The following RERG variants were observed in gnomAD, a reference collection of about 807,000 sequenced individuals.
RERG encodes the protein RAS like estrogen regulated growth inhibitor.
In RERG, 25 loss-of-function variants were observed where a neutral mutation model predicts 23.2. The observed-to-expected ratio is 1.08, with a 90% CI of 0.79 to 1.50. The LOEUF (loss-of-function observed/expected upper bound fraction) is 1.50, where lower values mean the gene tolerates loss of function less well. Among genes scored for constraint, RERG ranks in the 40% most tolerant of loss-of-function variants. The pLI is 0.00. For synonymous variants in RERG, 81 were observed against 89.1 expected (o/e 0.91, Z 0.51); for missense variants, 253 against 250.1 (o/e 1.01, Z -0.08).
At chr12:15,118,045 A>ATT (rs146662623) in intron 3 of RERG, among the ~76,000 whole-genome samples, 2 of 151,916 alleles carry the variant, frequency 1.3e-5, no homozygotes, top group Non-Finnish European at 2.9e-5. Context: ...TAAGGAACTG[A>ATT]TTTTTTTTAC....
chr12:15,154,927 AT>A (rs1287799045), intron 2 of RERG, among the ~76,000 whole-genome samples: 19 of 152,294 alleles, frequency 1.2e-4, no homozygotes, highest in Admixed American at 3.3e-4. Context: ...ATATATTTTC[AT>A]TTTTTAAAAT....
intron 2 of RERG, among the ~76,000 whole-genome samples, chr12:15,167,519 G>GGTGCTT (rs1864713112): frequency 6.6e-6 from 1 of 152,146 alleles, no homozygotes; most frequent in Admixed American, 6.5e-5. Context: ...TGCTGGTGCT[G>GGTGCTT]CTGCTCTTAG....
At position 15,144,746 on chromosome 12, in the gene RERG, A is replaced by G. The variant is rs1199462031; in HGVS notation, c.62-23627T>C. 2.0e-5 allele frequency among the ~76,000 whole-genome samples: 3 copies of G among 152,226 alleles called. No homozygotes were observed. In the East Asian group the frequency reaches 5.8e-4, roughly 29 times the overall value. ...ATTATCAAATGGTTCTGAATCACAT[A>G]CAATTCATGGAGACAGGCCCATTAT... is the stretch of plus-strand genomic sequence containing the variant. On this transcript the variant is annotated intron_variant, in intron 2 of 4. Coordinates refer to ENST00000256953, the MANE Select transcript of RERG (RefSeq NM_032918.3).
At chr12:15,163,380 G>A (rs1864641715) in intron 2 of RERG, among the ~76,000 whole-genome samples, 1 of 152,146 alleles carries the variant, frequency 6.6e-6, no homozygotes, top group Non-Finnish European at 1.5e-5. Flanking sequence ...AGATTTGAAA[G>A]CAAAGGAACA....
At chr12:15,185,557 A>AT (rs1188413329) in intron 2 of RERG, among the ~76,000 whole-genome samples, 2 of 152,112 alleles carry the variant, frequency 1.3e-5, no homozygotes, top group Admixed American at 6.6e-5. Context: ...TAATTGCGTC[A>AT]TTTTTTAGCA....
intron 2 of RERG, among the ~76,000 whole-genome samples, chr12:15,157,780 T>C (rs1864544595): frequency 6.6e-6 from 1 of 152,138 alleles, no homozygotes; most frequent in African/African-American, 2.4e-5. Context: ...TTTTCAACAT[T>C]TTTTTGTCAC....
intron 2 of RERG, among the ~76,000 whole-genome samples, chr12:15,157,576 T>C (rs1469807924): frequency 1.3e-5 from 2 of 152,170 alleles, no homozygotes; most frequent in African/African-American, 4.8e-5. Flanking sequence ...TTTTCACTCT[T>C]TTTGGTTCCC....
chr12:15,132,212 C>T (rs1329244367), intron 2 of RERG, among the ~76,000 whole-genome samples: 1 of 152,068 alleles, frequency 6.6e-6, no homozygotes, highest in Non-Finnish European at 1.5e-5. Flanking sequence ...TCCAGTACTA[C>T]AAAGGGAAAG....
chr12:15,166,981 T>A (rs1024621378), intron 2 of RERG, among the ~76,000 whole-genome samples: 1 of 152,194 alleles, frequency 6.6e-6, no homozygotes, highest in Non-Finnish European at 1.5e-5. Flanking sequence ...TATATGTTCA[T>A]GTGCTTTCTC....
intron 2 of RERG, among the ~76,000 whole-genome samples, chr12:15,126,716 T>C (rs12809940): frequency 0.25 from 30,596 of 121,774 alleles, 3,335 homozygotes; most frequent in Admixed American, 0.33. Flanking sequence ...TTCTTTTTCT[T>C]TTTCTTTCTT....
chr12:15,132,434 C>T (rs1864065369), intron 2 of RERG, among the ~76,000 whole-genome samples: 1 of 152,042 alleles, frequency 6.6e-6, no homozygotes. Context: ...GTTTGCTTAC[C>T]CAGTAACTAA....
At chr12:15,214,498 C>T (rs572666447) in intron 2 of RERG, among the ~76,000 whole-genome samples, 3 of 152,058 alleles carry the variant, frequency 2.0e-5, no homozygotes, top group Admixed American at 6.6e-5. Flanking sequence ...GAGGAGCTAC[C>T]GAATTACATT....
At chr12:15,220,433 C>T (rs1026965279) in intron 1 of RERG, among the ~76,000 whole-genome samples, 1 of 152,138 alleles carries the variant, frequency 6.6e-6, no homozygotes, top group Non-Finnish European at 1.5e-5. Flanking sequence ...TGATTTATTC[C>T]ACACTTTCAC....
chr12:15,153,054 G>A lies in RERG; in HGVS notation c.62-31935C>T, dbSNP rs1864468518. Among the ~76,000 whole-genome samples, 3 of 152,216 alleles carry A rather than the reference G, an allele frequency of 2.0e-5. No individual in the cohort carries two copies. In the South Asian group the frequency reaches 6.2e-4, roughly 32 times the overall value. ...ATGGTCTAAGAATGAGGTAGTTCGG[G>A]TGAGTCACATATTTACACTTAGCAG... On this transcript the variant is annotated intron_variant, in intron 2 of 4. Transcript: ENST00000256953.
intron 2 of RERG, among the ~76,000 whole-genome samples, chr12:15,198,594 T>G (rs1865176326): frequency 6.6e-6 from 1 of 152,150 alleles, no homozygotes; most frequent in South Asian, 2.1e-4. Context: ...ATCCAAGTTA[T>G]CACAAACTTA....
At chr12:15,215,969 G>A (rs917915688) in intron 2 of RERG, among the ~76,000 whole-genome samples, 3 of 152,144 alleles carry the variant, frequency 2.0e-5, no homozygotes, top group African/African-American at 4.8e-5. Context: ...AATGATACAA[G>A]GTTTTAAAAA....
Position 15,148,847 on chromosome 12 carries a change from G to GT in RERG, c.62-27729dup, listed in dbSNP as rs56033971. Among the ~76,000 whole-genome samples the GT allele has an allele frequency of 3.3e-4, 15 of 45,562 alleles. 1 individual carries two copies. The highest frequency in any genetic ancestry group is 8.3e-4 in the African/African-American group (14 of 16,950). The allele number at this position is 45,562 out of a possible 152,430, so 29.9% of individuals were successfully genotyped here. A position where few individuals can be genotyped will look rare whatever the true frequency, so the allele number is the denominator to read the frequency against. On this transcript the variant is annotated intron_variant, in intron 2 of 4. Transcript: ENST00000256953. Reference sequence around the variant, plus strand: ...AATTCATTTGCAGTCCTTTAACTCTGTTTTTTTTTTTTTTTTTTTTTTTTT... The same window carrying GT: ...AATTCATTTGCAGTCCTTTAACTCTGTTTTTTTTTTTTTTTTTTTTTTTTTT...
intron 2 of RERG, among the ~76,000 whole-genome samples, chr12:15,216,682 C>T (rs1025873108): frequency 2.6e-5 from 4 of 152,148 alleles, no homozygotes; most frequent in Non-Finnish European, 5.9e-5. Flanking sequence ...GGTCATGCTG[C>T]CCTAATGTTT....
intron 2 of RERG, among the ~76,000 whole-genome samples, chr12:15,205,782 A>T (rs1400051653): frequency 6.6e-6 from 1 of 152,124 alleles, no homozygotes; most frequent in Non-Finnish European, 1.5e-5. Context: ...TCATTGAGGA[A>T]AAGACGTTAT....
Sources: allele counts gnomAD v4.1 joint callset (sites outside exome capture counted in the v4.1 genomes callset), GRCh38; gene constraint gnomAD v4.1.1; transcripts MANE v1.5; gene names NCBI Gene and HGNC (gene_info 2026-07-23, HGNC 2026-07-21).